Variants in LMO1 observed in about 807,000 individuals in gnomAD.
LMO1 encodes the protein LIM domain only 1.
In LMO1, 10 loss-of-function variants were observed where a neutral mutation model predicts 18.0. The observed-to-expected ratio is 0.55, with a 90% CI of 0.34 to 0.94. The LOEUF is 0.94. LMO1 is among the 40% of genes least tolerant of loss of function. LMO1 has a pLI of 0.02. For missense variants in LMO1, 183 were observed against 205.7 expected, an observed-to-expected ratio of 0.89 and a Z score of 0.68; for synonymous variants, 77 against 77.9, an observed-to-expected ratio of 0.99 and a Z score of 0.06.
chr11:8,228,214 G>C (rs529663743), intron 2 of LMO1, among the ~76,000 whole-genome samples: 1 of 152,256 alleles, frequency 6.6e-6, no homozygotes, highest in East Asian at 1.9e-4. Context: ...TCTAGGGACA[G>C]GGAGTTTACT....
chr11:8,265,266 T>G (rs1387456749), upstream of LMO1, among the ~76,000 whole-genome samples: 1 of 152,168 alleles, frequency 6.6e-6, no homozygotes, highest in East Asian at 1.9e-4. Flanking sequence ...TCAGATGAGC[T>G]AATGCATGTT....
At chr11:8,260,505 C>A (rs188158021) in intron 1 of LMO1, among the ~76,000 whole-genome samples, 11 of 152,170 alleles carry the variant, frequency 7.2e-5, no homozygotes, top group African/African-American at 2.7e-4. Context: ...CAGATCTTTC[C>A]GTCTCTGTGG....
chr11:8,235,056 T>C (rs1952738008), intron 1 of LMO1, among the ~76,000 whole-genome samples: 1 of 152,202 alleles, frequency 6.6e-6, no homozygotes. Context: ...GTGGTGAGGA[T>C]AGAATGAGGT....
At chr11:8,250,945 C>A (rs944889725) in intron 1 of LMO1, among the ~76,000 whole-genome samples, 1 of 152,210 alleles carries the variant, frequency 6.6e-6, no homozygotes, top group African/African-American at 2.4e-5. Context: ...CTAATTGAGA[C>A]TCTACCTGGA....
intron 1 of LMO1, among the ~76,000 whole-genome samples, chr11:8,248,735 A>G (rs984999117): frequency 1.3e-5 from 2 of 152,248 alleles, no homozygotes; most frequent in African/African-American, 4.8e-5. Flanking sequence ...GGGAGGGCCA[A>G]GAAACACTTT....
At chr11:8,264,242 C>T (rs1219341915), upstream of LMO1, among the ~76,000 whole-genome samples, 1 of 149,538 alleles carries the variant, frequency 6.7e-6, no homozygotes, top group Non-Finnish European at 1.5e-5. Flanking sequence ...CCTACCGAGT[C>T]TTACAGCACT....
intron 1 of LMO1, among the ~76,000 whole-genome samples, chr11:8,251,799 CGTGT>C (rs1012139750): frequency 1.6e-4 from 23 of 142,750 alleles, no homozygotes; most frequent in African/African-American, 5.8e-4. Flanking sequence ...GTGTGGAGTG[CGTGT>C]GTGAGTGTGT....
Position 8,230,491 on chromosome 11 carries a change from G to A in LMO1, c.39C>T (p.Leu13=), listed in dbSNP as rs1190714832. The A allele has an allele frequency of 6.2e-7, 1 of 1,612,488 alleles. No homozygotes were observed. Among genetic ancestry groups the A allele is most frequent in the Admixed American group, 1.7e-5 (1 of 60,024 alleles). Residue 13 remains leucine, a synonymous_variant, in exon 2 of 4, where the codon CTC becomes CTT. Coordinates refer to ENST00000335790, the MANE Select transcript of LMO1 (RefSeq NM_002315.3). The part of the protein sequence containing the change: ...VLDKEDGVPM[L]SVQPKGKQKG... ...TCTGCTTCCCTTTGGGCTGGACGGA[G>A]AGCATCGGCACGCCTGCAGACGGAC...
At chr11:8,235,475 T>C (rs1320541603) in intron 1 of LMO1, among the ~76,000 whole-genome samples, 1 of 152,218 alleles carries the variant, frequency 6.6e-6, no homozygotes, top group Non-Finnish European at 1.5e-5. Flanking sequence ...GTATAATAAT[T>C]GAAATCAGAA....
chr11:8,261,525 C>T (rs1444588622), intron 1 of LMO1, among the ~76,000 whole-genome samples: 2 of 152,216 alleles, frequency 1.3e-5, no homozygotes, highest in Non-Finnish European at 2.9e-5. Context: ...CCTGAGGCCT[C>T]TCACGTACAG....
chr11:8,244,029 C>G (rs1437346176), intron 1 of LMO1, among the ~76,000 whole-genome samples: 1 of 152,218 alleles, frequency 6.6e-6, no homozygotes, highest in Non-Finnish European at 1.5e-5. Flanking sequence ...CTGGCTAGCT[C>G]CCAACTTTAA....
intron 1 of LMO1, among the ~76,000 whole-genome samples, chr11:8,261,357 G>A (rs1194338720): frequency 6.6e-6 from 1 of 152,194 alleles, no homozygotes; most frequent in African/African-American, 2.4e-5. Context: ...GCAGGGAGCT[G>A]GCTAAAATGA....
chr11:8,226,437 C>T (rs12797723), intron 3 of LMO1, among the ~76,000 whole-genome samples: 64,888 of 152,042 alleles, frequency 0.43, 15,348 homozygotes, highest in South Asian at 0.69. Context: ...CACTTGAACC[C>T]GGGAGGCAGA....
intron 1 of LMO1, among the ~76,000 whole-genome samples, chr11:8,243,706 G>A (rs1262867610): frequency 6.6e-6 from 1 of 152,364 alleles, no homozygotes; most frequent in Middle Eastern, 3.4e-3. Flanking sequence ...ACCCAGGTGA[G>A]GTGGACAAGG....
At chr11:8,267,272 T>C (rs1030969362), upstream of LMO1, among the ~76,000 whole-genome samples, 3 of 152,198 alleles carry the variant, frequency 2.0e-5, no homozygotes, top group Non-Finnish European at 2.9e-5. Context: ...ACTCAAGGGT[T>C]TCCTAGGATA....
At chr11:8,226,407 G>A (rs1952542574) in intron 3 of LMO1, among the ~76,000 whole-genome samples, 1 of 152,184 alleles carries the variant, frequency 6.6e-6, no homozygotes, top group Non-Finnish European at 1.5e-5. Flanking sequence ...CAGCTACTTG[G>A]GAGGTTGAGG....
At chr11:8,236,482 TAGG>T (rs1952762420) in intron 1 of LMO1, among the ~76,000 whole-genome samples, 1 of 151,818 alleles carries the variant, frequency 6.6e-6, no homozygotes, top group Non-Finnish European at 1.5e-5. Flanking sequence ...CTGGGGTTAG[TAGG>T]AGAAAGAGCT....
chr11:8,227,207 G>T (rs1952563581), intron 2 of LMO1, 107 bp from the exon 3 acceptor site: 1 of 1,514,224 alleles, frequency 6.6e-7, no homozygotes, highest in Admixed American at 1.9e-5. Context: ...CCAACTTGTG[G>T]GCTCAGCAGG....
intron 1 of LMO1, among the ~76,000 whole-genome samples, chr11:8,234,052 G>T (rs1034992187): frequency 2.0e-5 from 3 of 152,156 alleles, no homozygotes; most frequent in Non-Finnish European, 2.9e-5. Flanking sequence ...AGATGCATGC[G>T]CTGGGCCCAG....
Sources: gnomAD v4.1 joint callset for allele counts (sites outside exome capture counted in the v4.1 genomes callset) on GRCh38, gnomAD v4.1.1 for gene constraint, MANE v1.5 for transcripts, NCBI Gene and HGNC (gene_info 2026-07-23, HGNC 2026-07-21) for gene names.